Variants in ODAD2 observed in about 807,000 individuals in gnomAD.
The protein encoded by ODAD2 is outer dynein arm docking complex subunit 2, also known as outer dynein arm-docking complex subunit 2.
ODAD2 carries 89 observed loss-of-function variants against 106.8 expected under a neutral mutation model. That is an observed-to-expected ratio of 0.83 (90% confidence interval 0.70 to 0.99). The LOEUF is 0.99. ODAD2 is among the 50% of genes least tolerant of loss of function. The probability of loss-of-function intolerance (pLI) is 0.00; values close to 1 mark genes in which losing one functional copy is unlikely to be tolerated. For synonymous variants in ODAD2, 404 were observed against 436.2 expected, an observed-to-expected ratio of 0.93 and a Z score of 0.92; for missense variants, 1,168 against 1,238.5, an observed-to-expected ratio of 0.94 and a Z score of 0.85.
intron 17 of ODAD2, among the ~76,000 whole-genome samples, chr10:27,871,522 T>C (rs921430090): frequency 1.3e-5 from 2 of 152,182 alleles, no homozygotes; most frequent in African/African-American, 4.8e-5. Flanking sequence ...CATCTTGAAT[T>C]AATTTTTGTA....
chr10:27,937,294 A>G (rs1030386964), intron 14 of ODAD2, among the ~76,000 whole-genome samples: 6 of 151,866 alleles, frequency 4.0e-5, no homozygotes, highest in African/African-American at 1.5e-4. Flanking sequence ...TGGCCCCTGA[A>G]ATCTAGAGAC....
At chr10:27,982,316 T>C (rs1296492194) in intron 6 of ODAD2, among the ~76,000 whole-genome samples, 1 of 152,232 alleles carries the variant, frequency 6.6e-6, no homozygotes, top group Non-Finnish European at 1.5e-5. Flanking sequence ...AGTAGTTTTA[T>C]GGTCCTTGTC....
chr10:27,869,278 AGATCTAAC>A (rs1236369717), intron 17 of ODAD2, among the ~76,000 whole-genome samples: 37 of 152,238 alleles, frequency 2.4e-4, no homozygotes, highest in African/African-American at 8.7e-4. Context: ...TAGGCAGAGA[AGATCTAAC>A]ACATGTATGT....
chr10:27,943,930 A>C (rs7087095), intron 12 of ODAD2, among the ~76,000 whole-genome samples: 86,131 of 151,386 alleles, frequency 0.57, 24,700 homozygotes, highest in Middle Eastern at 0.67. Context: ...CTTACCTCCC[A>C]TGCATGTATA....
chr10:27,978,120 G>T (rs1259391397), intron 7 of ODAD2, among the ~76,000 whole-genome samples: 1 of 152,272 alleles, frequency 6.6e-6, no homozygotes, highest in South Asian at 2.1e-4. Flanking sequence ...TCCATTAACA[G>T]GTGAGTGGAT....
At chr10:27,944,737 T>C in intron 11 of ODAD2, 79 bp downstream of exon 11, 5 of 1,558,262 alleles carry the variant, frequency 3.2e-6, no homozygotes, top group African/African-American at 1.4e-5. Context: ...CAACGAGGCA[T>C]GGCAGAAACC....
intron 9 of ODAD2, among the ~76,000 whole-genome samples, chr10:27,964,454 G>A (rs576723986): frequency 1.4e-4 from 21 of 152,284 alleles, no homozygotes; most frequent in Middle Eastern, 3.4e-3. Context: ...ATGTGTTTTA[G>A]TTCTGTATTA....
chr10:27,894,803 CA>C (rs1207416492), intron 17 of ODAD2, among the ~76,000 whole-genome samples: 1 of 151,904 alleles, frequency 6.6e-6, no homozygotes. Flanking sequence ...TGAGTTGAAG[CA>C]ATCCTCCCCA....
In ODAD2 at chr10:27,846,415, T is replaced by C. The variant is rs1235826225; in HGVS notation, c.3021+14210A>G. On this transcript the variant is annotated intron_variant, in intron 19 of 19. Transcript: ENST00000305242. ...AACATACCAGAATCTCTGGGACACA[T>C]TTAAAGCAGTGTGTAGAGGGAAATT... 1.4e-4 allele frequency among the ~76,000 whole-genome samples: 22 copies of C among 152,266 alleles called. No individual in the cohort carries two copies. The South Asian group carries it at 4.4e-3, about 31-fold the overall frequency.
chr10:27,841,352 C>T (rs755511655), intron 19 of ODAD2, among the ~76,000 whole-genome samples: 2 of 152,106 alleles, frequency 1.3e-5, no homozygotes, highest in Admixed American at 6.6e-5. Flanking sequence ...TCACCAGCCT[C>T]GTAGACAGAT....
rs941831361 is a variant in ODAD2, at chr10:27,931,000, T to G, written c.2495+4010A>C. Among the ~76,000 whole-genome samples the G allele has an allele frequency of 8.5e-5, 13 of 152,342 alleles. No homozygotes were observed. The East Asian group carries it at 2.3e-3, about 27-fold the overall frequency. On this transcript the variant is annotated intron_variant, in intron 16 of 19. Coordinates refer to ENST00000305242, the MANE Select transcript of ODAD2 (RefSeq NM_018076.5). ...GCTATAGACAAAACAAAATGACATG[T>G]CCGTATGACTTTTCCCAAGGCTCTA...
intron 17 of ODAD2, among the ~76,000 whole-genome samples, chr10:27,886,996 CA>C (rs1842263591): frequency 6.6e-6 from 1 of 151,752 alleles, no homozygotes; most frequent in African/African-American, 2.4e-5. Flanking sequence ...AAACAAAGCA[CA>C]AAACAGCAAA....
chr10:27,828,691 G>A (rs1310337991), intron 19 of ODAD2, among the ~76,000 whole-genome samples: 3 of 152,140 alleles, frequency 2.0e-5, no homozygotes, highest in Non-Finnish European at 2.9e-5. Flanking sequence ...CAATTACCTT[G>A]ATTATATAAA....
Position 27,860,620 on chromosome 10 carries a change from T to C in ODAD2, c.3021+5A>G, listed in dbSNP as rs745581926. The C allele has an allele frequency of 6.2e-7, 1 of 1,613,212 alleles. No individual in the cohort carries two copies. The highest frequency in any genetic ancestry group is 1.1e-5 in the South Asian group (1 of 91,060). On this transcript the variant is annotated splice_donor_5th_base_variant and intron_variant, in intron 19 of 19. Coordinates refer to ENST00000305242, the MANE Select transcript of ODAD2 (RefSeq NM_018076.5). ...GGACTAAACCACAAAGTCATTCAACTGTACCTTTACTGCACCATTCTCATG... is the reference window on the plus strand; with the variant it reads ...GGACTAAACCACAAAGTCATTCAACCGTACCTTTACTGCACCATTCTCATG...
intron 19 of ODAD2, among the ~76,000 whole-genome samples, chr10:27,847,205 A>C (rs4469787): frequency 0.69 from 105,523 of 151,966 alleles, 36,709 homozygotes; most frequent in Middle Eastern, 0.75. Context: ...TCCAGCAGCA[A>C]CTCAAAAAGC....
At chr10:27,967,599 A>G in intron 9 of ODAD2, among the ~76,000 whole-genome samples, 1 of 151,690 alleles carries the variant, frequency 6.6e-6, no homozygotes, top group Admixed American at 6.6e-5. Context: ...CTTCTAAAAT[A>G]AAAGATTTAG....
intron 16 of ODAD2, among the ~76,000 whole-genome samples, chr10:27,908,427 C>A (rs1447285890): frequency 6.6e-6 from 1 of 152,186 alleles, no homozygotes; most frequent in African/African-American, 2.4e-5. Context: ...ATCTCTCCAC[C>A]ATCTGTCTTC....
At chr10:27,988,894 T>A (rs183995914) in intron 2 of ODAD2, among the ~76,000 whole-genome samples, 8 of 152,262 alleles carry the variant, frequency 5.3e-5, no homozygotes, top group Admixed American at 5.2e-4. Flanking sequence ...GGGAGACTAT[T>A]CTGGGTATTT....
At chr10:27,926,384 A>G (rs1373788602) in intron 16 of ODAD2, among the ~76,000 whole-genome samples, 1 of 152,060 alleles carries the variant, frequency 6.6e-6, no homozygotes, top group East Asian at 1.9e-4. Flanking sequence ...CAGTCTGAGG[A>G]CATGATGGCA....
Sources: gnomAD v4.1 joint callset for allele counts (sites outside exome capture counted in the v4.1 genomes callset) on GRCh38, gnomAD v4.1.1 for gene constraint, MANE v1.5 for transcripts, NCBI Gene and HGNC (gene_info 2026-07-23, HGNC 2026-07-21) for gene names.